Variants in MPP7 observed in about 807,000 individuals in gnomAD.
The protein encoded by MPP7 is MAGUK p55 scaffold protein 7.
MPP7 carries 60 observed loss-of-function variants against 76.5 expected under a neutral mutation model. The observed-to-expected ratio is 0.78, with a 90% CI of 0.64 to 0.97. The LOEUF is 0.97. Ranked by LOEUF, MPP7 falls within the 50% of genes least tolerant of loss-of-function variation. The pLI, the probability that MPP7 is intolerant of heterozygous loss-of-function variation, is 0.00. For missense variants in MPP7, 641 were observed against 694.0 expected, an observed-to-expected ratio of 0.92 and a Z score of 0.86; for synonymous variants, 237 against 244.5, an observed-to-expected ratio of 0.97 and a Z score of 0.29.
intron 1 of MPP7, among the ~76,000 whole-genome samples, chr10:28,252,050 GAGACA>G (rs1839631764): frequency 6.6e-6 from 1 of 152,160 alleles, no homozygotes; most frequent in African/African-American, 2.4e-5. Context: ...GACTACACTT[GAGACA>G]AGACAACAGA....
intron 4 of MPP7, among the ~76,000 whole-genome samples, chr10:28,149,468 G>A (rs933554177): frequency 1.3e-5 from 2 of 152,054 alleles, no homozygotes; most frequent in Non-Finnish European, 2.9e-5. Context: ...TTTATTTTTT[G>A]GTTATGAAGG....
chr10:28,081,308 C>T (rs2133408075), intron 12 of MPP7, among the ~76,000 whole-genome samples: 1 of 152,342 alleles, frequency 6.6e-6, no homozygotes, highest in Admixed American at 6.5e-5. Flanking sequence ...CCCTCACCCA[C>T]ACACACATTA....
At chr10:28,270,332 A>G (rs202171941) in intron 1 of MPP7, among the ~76,000 whole-genome samples, 1 of 152,056 alleles carries the variant, frequency 6.6e-6, no homozygotes, top group Non-Finnish European at 1.5e-5. Flanking sequence ...ATCACAATAC[A>G]CAGCAGCCCA....
chr10:28,312,021 G>A (rs1417238324), intron 2 of MPP7, among the ~76,000 whole-genome samples: 1 of 152,138 alleles, frequency 6.6e-6, no homozygotes, highest in Non-Finnish European at 1.5e-5. Flanking sequence ...CGGTCTGGCT[G>A]ACTTCAAGAA....
intron 12 of MPP7, 77 bp downstream of exon 12, chr10:28,089,594 A>C: frequency 7.4e-7 from 1 of 1,356,464 alleles, no homozygotes. Context: ...GAAAACTTCA[A>C]GTATGATTCA....
At chr10:28,056,659 C>A in intron 15 of MPP7, 36 bp from the exon 16 acceptor site, 2 of 1,504,440 alleles carry the variant, frequency 1.3e-6, no homozygotes, top group South Asian at 1.4e-5. Context: ...TCACATTTCT[C>A]CATAGCATCA....
intron 1 of MPP7, among the ~76,000 whole-genome samples, chr10:28,293,180 A>C (rs1384046838): frequency 1.3e-5 from 2 of 152,236 alleles, no homozygotes; most frequent in Non-Finnish European, 2.9e-5. Flanking sequence ...TGAAAAAAGA[A>C]GAAAACTGCT....
intron 1 of MPP7, among the ~76,000 whole-genome samples, chr10:28,241,665 C>G (rs1170180825): frequency 6.6e-6 from 1 of 152,070 alleles, no homozygotes; most frequent in African/African-American, 2.4e-5. Flanking sequence ...AGAGGGATTA[C>G]CGAATATTCT....
chr10:28,154,340 A>C lies in MPP7; in HGVS notation c.157-4281T>G, dbSNP rs537981632. 2.0e-5 allele frequency among the ~76,000 whole-genome samples: 3 copies of C among 152,334 alleles called. No homozygotes were observed. The East Asian group carries it at 5.8e-4, about 29-fold the overall frequency. ...TCTGTGTGTGTATATCATAAAGCCT[A>C]AAAACTTGGAGGCTGTACCTTTGCT... On this transcript the variant is annotated intron_variant, in intron 3 of 16. Coordinates refer to ENST00000683449, the MANE Select transcript of MPP7 (RefSeq NM_001318170.2).
intron 1 of MPP7, among the ~76,000 whole-genome samples, chr10:28,279,045 A>G (rs981545151): frequency 2.6e-5 from 4 of 152,036 alleles, no homozygotes; most frequent in African/African-American, 9.7e-5. Flanking sequence ...GTCAATCTCT[A>G]TTTTGGACTC....
chr10:28,297,816 A>G (rs952381757), intron 1 of MPP7, among the ~76,000 whole-genome samples: 1 of 152,254 alleles, frequency 6.6e-6, no homozygotes, highest in Admixed American at 6.5e-5. Context: ...AGTCAATCCT[A>G]TCATACCCTG....
chr10:28,239,194 G>C (rs12769183), intron 1 of MPP7, among the ~76,000 whole-genome samples: 1 of 151,138 alleles, frequency 6.6e-6, no homozygotes, highest in Non-Finnish European at 1.5e-5. Context: ...ACCCAGGCTG[G>C]AGTGCAATGG....
At chr10:28,287,009 C>T (rs1431508984) in intron 1 of MPP7, among the ~76,000 whole-genome samples, 1 of 151,982 alleles carries the variant, frequency 6.6e-6, no homozygotes, top group Non-Finnish European at 1.5e-5. Flanking sequence ...TTATGCCAAC[C>T]GTTTGATCAA....
chr10:28,119,915 CT>C lies in MPP7; in HGVS notation c.888-201del, dbSNP rs944964399. 7.0e-4 allele frequency among the ~76,000 whole-genome samples: 105 copies of C among 149,248 alleles called. 1 individual carries two copies. Among genetic ancestry groups the C allele is most frequent in the South Asian group, 5.5e-3 (26 of 4,722 alleles). On this transcript the variant is annotated intron_variant, in intron 10 of 16. Coordinates refer to ENST00000683449, the MANE Select transcript of MPP7 (RefSeq NM_001318170.2). ...CTTCCCTCCCTCCAAAACCACTGGT[CT>C]TTTTTTTTTCCACCTTTCATATCAA...
chr10:28,091,683 C>G (rs993479825), intron 11 of MPP7, among the ~76,000 whole-genome samples: 1 of 152,142 alleles, frequency 6.6e-6, no homozygotes, highest in African/African-American at 2.4e-5. Flanking sequence ...AGTCAGCTGT[C>G]TGAATCTGTG....
Position 28,168,664 on chromosome 10 carries a change from G to A in MPP7, c.157-18605C>T, listed in dbSNP as rs191696885. Among the ~76,000 whole-genome samples the A allele has an allele frequency of 4.6e-3, 701 of 152,026 alleles. 7 individuals are homozygous for A. The highest frequency in any genetic ancestry group is 7.0e-3 in the Non-Finnish European group (476 of 67,986). On this transcript the variant is annotated intron_variant, in intron 3 of 16. Transcript: ENST00000683449. ...CTCCGGAGTAGCTGGGACTACAGGT[G>A]CCTGCCACCATGCTCCGTTAATTTT...
intron 8 of MPP7, among the ~76,000 whole-genome samples, chr10:28,122,696 T>C (rs1038969746): frequency 1.3e-5 from 2 of 152,206 alleles, no homozygotes; most frequent in Admixed American, 1.3e-4. Flanking sequence ...TATGCACTGC[T>C]GATTTTTCTG....
intron 5 of MPP7, among the ~76,000 whole-genome samples, chr10:28,134,123 G>A (rs747067609): frequency 3.3e-5 from 5 of 152,022 alleles, no homozygotes; most frequent in African/African-American, 9.7e-5. Flanking sequence ...AATTAGTAGC[G>A]TTTTTCAATT....
intron 4 of MPP7, 85 bp downstream of exon 4, chr10:28,149,897 A>T (rs1835822940): frequency 2.2e-6 from 2 of 896,022 alleles, no homozygotes. Context: ...ATAGGATCAC[A>T]CGCATCTGTC....
Sources: allele counts gnomAD v4.1 joint callset (sites outside exome capture counted in the v4.1 genomes callset), GRCh38; gene constraint gnomAD v4.1.1; transcripts MANE v1.5; gene names NCBI Gene and HGNC (gene_info 2026-07-23, HGNC 2026-07-21).